The following PARD3B variants were observed in gnomAD, a reference collection of about 807,000 sequenced individuals.
PARD3B encodes partitioning defective 3 homolog B.
PARD3B carries 103 observed loss-of-function variants against 130.2 expected under a neutral mutation model. The ratio of observed to expected loss-of-function variants is 0.79; its 90% confidence interval spans 0.67 to 0.93. The LOEUF is 0.93. Among genes scored for constraint, PARD3B ranks in the 40% least tolerant of loss-of-function variants. The pLI is 0.00. For synonymous variants in PARD3B, 583 were observed against 553.2 expected (o/e 1.05, Z -0.76); for missense variants, 1,609 against 1,499.2 (o/e 1.07, Z -1.21).
At chr2:205,455,215 A>G (rs1449817005) in intron 20 of PARD3B, among the ~76,000 whole-genome samples, 1 of 152,074 alleles carries the variant, frequency 6.6e-6, no homozygotes, top group African/African-American at 2.4e-5. Flanking sequence ...CTGTAAAATG[A>G]GCATAATCGT....
chr2:205,462,660 G>A (rs777406030), intron 20 of PARD3B, among the ~76,000 whole-genome samples: 1 of 152,164 alleles, frequency 6.6e-6, no homozygotes, highest in Non-Finnish European at 1.5e-5. Flanking sequence ...GATGCAACAT[G>A]ATTTTCGTTG....
intron 1 of PARD3B, among the ~76,000 whole-genome samples, chr2:204,575,730 T>TA (rs1372295988): frequency 2.0e-5 from 3 of 152,206 alleles, no homozygotes; most frequent in Admixed American, 2.0e-4. Flanking sequence ...AATACACTGT[T>TA]AGAGGTTGAG....
intron 4 of PARD3B, among the ~76,000 whole-genome samples, chr2:205,061,792 T>C (rs1466095626): frequency 6.7e-6 from 1 of 148,840 alleles, no homozygotes; most frequent in African/African-American, 2.5e-5. Flanking sequence ...TTCTTTTAAT[T>C]TCAAAAAAAA....
intron 16 of PARD3B, among the ~76,000 whole-genome samples, chr2:205,248,754 C>T (rs1272125727): frequency 6.6e-6 from 1 of 150,668 alleles, no homozygotes; most frequent in Non-Finnish European, 1.5e-5. Context: ...ACCACAGGCG[C>T]CCACTACCGC....
chr2:205,057,726 C>G (rs1448824459), intron 4 of PARD3B, among the ~76,000 whole-genome samples: 1 of 125,884 alleles, frequency 7.9e-6, no homozygotes, highest in Admixed American at 8.2e-5. Flanking sequence ...CGTATATATA[C>G]ATATATGTGT....
chr2:204,685,555 C>A (rs2037034519), intron 1 of PARD3B, among the ~76,000 whole-genome samples: 1 of 152,192 alleles, frequency 6.6e-6, no homozygotes, highest in African/African-American at 2.4e-5. Flanking sequence ...ACTACCCCAA[C>A]TCAGTGAATT....
chr2:205,289,537 A>G (rs2041523932), intron 16 of PARD3B, among the ~76,000 whole-genome samples: 1 of 152,154 alleles, frequency 6.6e-6, no homozygotes, highest in South Asian at 2.1e-4. Context: ...CCTCACCTAG[A>G]GTAACACAAA....
intron 22 of PARD3B, among the ~76,000 whole-genome samples, chr2:205,601,861 C>A (rs982191322): frequency 1.3e-5 from 2 of 152,118 alleles, no homozygotes; most frequent in African/African-American, 2.4e-5. Context: ...TTTAAATACC[C>A]TTTATTTCTT....
At chr2:204,605,916 G>A (rs201499416) in intron 1 of PARD3B, among the ~76,000 whole-genome samples, 4 of 152,090 alleles carry the variant, frequency 2.6e-5, no homozygotes, top group Non-Finnish European at 4.4e-5. Flanking sequence ...GGCTATTCTT[G>A]TAATCCATGC....
intron 16 of PARD3B, among the ~76,000 whole-genome samples, chr2:205,267,326 T>C (rs1338722465): frequency 7.0e-6 from 1 of 142,692 alleles, no homozygotes; most frequent in Non-Finnish European, 1.6e-5. Context: ...TCCACAAAAT[T>C]AAAAGGCATA....
At chr2:204,605,500 G>A (rs1436135465) in intron 1 of PARD3B, among the ~76,000 whole-genome samples, 3 of 152,128 alleles carry the variant, frequency 2.0e-5, no homozygotes, top group Non-Finnish European at 2.9e-5. Flanking sequence ...TTTTTGAGGT[G>A]TGAATGCTGA....
At chr2:205,403,178 C>T (rs6750137) in intron 19 of PARD3B, among the ~76,000 whole-genome samples, 2,418 of 152,280 alleles carry the variant, frequency 0.016, 41 homozygotes, top group African/African-American at 0.042. Flanking sequence ...GTTTCTTTGA[C>T]GTGATTCAAG....
chr2:204,826,643 T>G (rs992064871), intron 2 of PARD3B, among the ~76,000 whole-genome samples: 2 of 152,220 alleles, frequency 1.3e-5, no homozygotes, highest in African/African-American at 4.8e-5. Context: ...AGGTTGAATT[T>G]TTAAAAATAT....
At chr2:205,237,160 C>T (rs546412378) in intron 15 of PARD3B, among the ~76,000 whole-genome samples, 4 of 152,236 alleles carry the variant, frequency 2.6e-5, no homozygotes, top group East Asian at 3.9e-4. Context: ...GGTGCAATGA[C>T]GCGATCACTG....
chr2:205,337,328 C>G (rs1045055066), intron 18 of PARD3B, among the ~76,000 whole-genome samples: 19 of 152,268 alleles, frequency 1.2e-4, no homozygotes, highest in Admixed American at 1.1e-3. Context: ...CTTTATGTCT[C>G]TATGTATTTT....
chr2:204,705,372 G>A (rs2038092222), intron 2 of PARD3B, among the ~76,000 whole-genome samples: 1 of 152,110 alleles, frequency 6.6e-6, no homozygotes. Context: ...ACATAGTGGA[G>A]TAAAAGAACA....
chr2:205,563,268 G>A lies in PARD3B; in HGVS notation c.3260+9865G>A, dbSNP rs1431468521. 6.6e-6 allele frequency among the ~76,000 whole-genome samples: 1 copy of A among 152,190 alleles called. No homozygotes were observed. Among genetic ancestry groups the A allele is most frequent in the African/African-American group, 2.4e-5 (1 of 41,448 alleles). On this transcript the variant is annotated intron_variant, in intron 22 of 22. Transcript: ENST00000406610. The surrounding 1 kb of genome is among the most constrained non-coding windows in gnomAD (Gnocchi z 4.2). The stretch of plus-strand genomic sequence containing the variant: ...CTAAGAACAATCAAGGCAAGGGAGA[G>A]GTTGTAAAACCTATTGCGTGCCTTC...
intron 2 of PARD3B, among the ~76,000 whole-genome samples, chr2:204,821,985 C>T (rs2043379063): frequency 6.6e-6 from 1 of 152,154 alleles, no homozygotes; most frequent in Admixed American, 6.5e-5. Context: ...ACTTTCAAGT[C>T]TTATTATTTG....
chr2:205,494,229 A>G (rs774246508), intron 20 of PARD3B, among the ~76,000 whole-genome samples: 1 of 152,174 alleles, frequency 6.6e-6, no homozygotes, highest in Non-Finnish European at 1.5e-5. Context: ...GAAATCAACT[A>G]TATACAACTG....
Sources: allele counts gnomAD v4.1 joint callset (sites outside exome capture counted in the v4.1 genomes callset), GRCh38; gene constraint gnomAD v4.1.1; non-coding constraint Gnocchi (gnomAD v3.1); transcripts MANE v1.5; gene names NCBI Gene and HGNC (gene_info 2026-07-23, HGNC 2026-07-21).